NAALADL2: variants seen among roughly 807,000 people sequenced by gnomAD.
NAALADL2 encodes the protein inactive N-acetylated-alpha-linked acidic dipeptidase-like protein 2.
A neutral mutation model predicts 87.2 loss-of-function variants in NAALADL2; 76 were observed. The observed-to-expected ratio is 0.87, with a 90% CI of 0.72 to 1.05. NAALADL2 has a LOEUF of 1.05. Among genes scored for constraint, NAALADL2 ranks in the 50% least tolerant of loss-of-function variants. The pLI is 0.00. For missense variants in NAALADL2, 1,089 were observed against 945.8 expected (o/e 1.15, Z -1.99); for synonymous variants, 354 against 331.0 (o/e 1.07, Z -0.75).
intron 5 of NAALADL2, among the ~76,000 whole-genome samples, chr3:175,380,782 A>G (rs182547029): frequency 5.3e-5 from 8 of 152,288 alleles, no homozygotes; most frequent in East Asian, 1.9e-4. Context: ...CCATTTAACT[A>G]CATGTCTTTG....
intron 1 of NAALADL2, among the ~76,000 whole-genome samples, chr3:174,539,965 T>C (rs1389399932): frequency 9.4e-6 from 1 of 106,240 alleles, no homozygotes; most frequent in Non-Finnish European, 1.7e-5. Flanking sequence ...AAGAGAGAAT[T>C]AGGAAGTTCT....
intron 2 of NAALADL2, among the ~76,000 whole-genome samples, chr3:175,186,524 G>T (rs567356517): frequency 6.6e-5 from 10 of 152,148 alleles, no homozygotes; most frequent in African/African-American, 2.2e-4. Context: ...AGAAAGTAGC[G>T]ACTATCCATT....
chr3:175,126,910 G>T (rs546273172), intron 2 of NAALADL2, among the ~76,000 whole-genome samples: 2 of 148,442 alleles, frequency 1.3e-5, no homozygotes, highest in Admixed American at 6.7e-5. Context: ...TTGAATGTGA[G>T]TTGTTGGTCT....
intron 1 of NAALADL2, among the ~76,000 whole-genome samples, chr3:174,863,088 A>G (rs1349486206): frequency 6.6e-6 from 1 of 152,124 alleles, no homozygotes; most frequent in Non-Finnish European, 1.5e-5. Flanking sequence ...TTTTCAAGCT[A>G]GAAGATAGTC....
chr3:174,972,837 A>C (rs1296252339), intron 1 of NAALADL2, among the ~76,000 whole-genome samples: 1 of 152,022 alleles, frequency 6.6e-6, no homozygotes, highest in African/African-American at 2.4e-5. Context: ...TACTAAAAAA[A>C]AATACAAAAT....
chr3:175,606,178 AT>A (rs1442044822), intron 10 of NAALADL2, among the ~76,000 whole-genome samples: 1 of 152,186 alleles, frequency 6.6e-6, no homozygotes, highest in African/African-American at 2.4e-5. Flanking sequence ...GTGCCAAAGT[AT>A]TTAAGTCTGA....
intron 1 of NAALADL2, among the ~76,000 whole-genome samples, chr3:174,546,044 A>G (rs1260990510): frequency 6.6e-6 from 1 of 150,994 alleles, no homozygotes; most frequent in African/African-American, 2.4e-5. Flanking sequence ...CATGTATTTA[A>G]TAATTGTTAA....
intron 3 of NAALADL2, among the ~76,000 whole-genome samples, chr3:174,769,766 CT>C (rs1198830320): frequency 6.6e-6 from 1 of 150,974 alleles, no homozygotes; most frequent in African/African-American, 2.4e-5. Flanking sequence ...GTTTTTTTCT[CT>C]TTTCTTATAT....
intron 1 of NAALADL2, among the ~76,000 whole-genome samples, chr3:174,476,334 C>T (rs1717209000): frequency 6.6e-6 from 1 of 150,438 alleles, no homozygotes; most frequent in Non-Finnish European, 1.5e-5. Flanking sequence ...AATAAACTAT[C>T]AAAGAACTTT....
At chr3:174,471,317 A>G (rs1217878162) in intron 1 of NAALADL2, among the ~76,000 whole-genome samples, 1 of 152,020 alleles carries the variant, frequency 6.6e-6, no homozygotes, top group Admixed American at 6.6e-5. Context: ...AGATGTATGC[A>G]GTTTGTAAGC....
intron 5 of NAALADL2, among the ~76,000 whole-genome samples, chr3:175,335,835 C>A (rs1285241806): frequency 3.3e-5 from 5 of 152,036 alleles, no homozygotes; most frequent in Non-Finnish European, 7.4e-5. Flanking sequence ...TTTTTGAGAG[C>A]AAATCATCTA....
chr3:174,960,768 A>G (rs1219609353), intron 1 of NAALADL2, among the ~76,000 whole-genome samples: 1 of 152,052 alleles, frequency 6.6e-6, no homozygotes, highest in African/African-American at 2.4e-5. Context: ...GGGTATTATA[A>G]GTACTTCCAA....
intron 2 of NAALADL2, among the ~76,000 whole-genome samples, chr3:175,213,714 A>G (rs1742098421): frequency 1.3e-5 from 2 of 152,174 alleles, no homozygotes; most frequent in South Asian, 2.1e-4. Flanking sequence ...ATAGCAACCC[A>G]TTAATATATG....
chr3:174,779,542 C>A (rs574126484), intron 3 of NAALADL2, among the ~76,000 whole-genome samples: 2 of 152,248 alleles, frequency 1.3e-5, no homozygotes, highest in South Asian at 2.1e-4. Context: ...GTCATGAAGT[C>A]TTTGCCTATG....
At chr3:174,745,668 T>G (rs1179600145) in intron 3 of NAALADL2, among the ~76,000 whole-genome samples, 1 of 152,172 alleles carries the variant, frequency 6.6e-6, no homozygotes, top group African/African-American at 2.4e-5. Flanking sequence ...ATATCCCTGA[T>G]GAACATTGAT....
At chr3:174,671,439 G>A (rs1377406754) in intron 2 of NAALADL2, among the ~76,000 whole-genome samples, 1 of 152,016 alleles carries the variant, frequency 6.6e-6, no homozygotes, top group East Asian at 1.9e-4. Flanking sequence ...AACAATGTGG[G>A]AAAGATAGAC....
chr3:174,959,545 G>A (rs982604252), intron 1 of NAALADL2, among the ~76,000 whole-genome samples: 1 of 151,880 alleles, frequency 6.6e-6, no homozygotes, highest in Non-Finnish European at 1.5e-5. Flanking sequence ...GAGGTCCCTG[G>A]GAAAGATTCT....
chr3:175,196,841 C>T (rs1445168102), intron 2 of NAALADL2, among the ~76,000 whole-genome samples: 2 of 151,842 alleles, frequency 1.3e-5, no homozygotes, highest in African/African-American at 2.4e-5. Context: ...CTGCAGCCCT[C>T]GATCTAGGGT....
chr3:175,356,234 A>T (rs548070453), intron 5 of NAALADL2, among the ~76,000 whole-genome samples: 1 of 152,126 alleles, frequency 6.6e-6, no homozygotes, highest in African/African-American at 2.4e-5. Flanking sequence ...AGAACTCTTT[A>T]GAATGATAGA....
Sources: allele counts gnomAD v4.1 joint callset (sites outside exome capture counted in the v4.1 genomes callset), GRCh38; gene constraint gnomAD v4.1.1; transcripts MANE v1.5; gene names NCBI Gene and HGNC (gene_info 2026-07-23, HGNC 2026-07-21).